ADAM9: variants seen among roughly 807,000 people sequenced by gnomAD.
ADAM9 encodes ADAM metallopeptidase domain 9, also known as disintegrin and metalloproteinase domain-containing protein 9.
A neutral mutation model predicts 108.1 loss-of-function variants in ADAM9; 54 were observed. The ratio of observed to expected loss-of-function variants is 0.50; its 90% CI spans 0.40 to 0.63. ADAM9 has a LOEUF of 0.63. Ranked by LOEUF, ADAM9 falls within the 20% of genes least tolerant of loss-of-function variation. ADAM9 has a pLI of 0.00. For missense variants in ADAM9, 830 were observed against 997.7 expected, an observed-to-expected ratio of 0.83 and a Z score of 2.26; for synonymous variants, 316 against 336.0, an observed-to-expected ratio of 0.94 and a Z score of 0.65.
intron 7 of ADAM9, among the ~76,000 whole-genome samples, chr8:39,021,099 A>C (rs904697295): frequency 6.6e-6 from 1 of 152,202 alleles, no homozygotes; most frequent in African/African-American, 2.4e-5. Flanking sequence ...TTTGGATAAA[A>C]TGAAGTCTTC....
intron 14 of ADAM9, among the ~76,000 whole-genome samples, chr8:39,066,252 T>A (rs894793516): frequency 5.3e-5 from 8 of 152,254 alleles, no homozygotes; most frequent in Non-Finnish European, 8.8e-5. Flanking sequence ...TTTATAATCC[T>A]TTGGGTATAT....
intron 1 of ADAM9, among the ~76,000 whole-genome samples, chr8:38,997,635 G>A (rs1835863994): frequency 6.6e-6 from 1 of 152,218 alleles, no homozygotes; most frequent in Non-Finnish European, 1.5e-5. Context: ...TTTGCTGCAG[G>A]TTATAATTTG....
chr8:39,056,937 A>G (rs1047695242), intron 14 of ADAM9, among the ~76,000 whole-genome samples: 8 of 152,224 alleles, frequency 5.3e-5, no homozygotes, highest in African/African-American at 1.9e-4. Context: ...TATACCGCAT[A>G]ACAACATTTT....
chr8:39,044,690 G>A (rs1004820298), intron 12 of ADAM9, among the ~76,000 whole-genome samples: 11 of 151,966 alleles, frequency 7.2e-5, no homozygotes, highest in Non-Finnish European at 1.2e-4. Flanking sequence ...CCATGTGCGC[G>A]CATTGTTTAG....
chr8:39,026,224 A>G (rs1836916746), intron 10 of ADAM9, among the ~76,000 whole-genome samples: 1 of 152,090 alleles, frequency 6.6e-6, no homozygotes, highest in Non-Finnish European at 1.5e-5. Flanking sequence ...CGCATATGTT[A>G]GGTATTTGTC....
At chr8:39,068,623 C>T (rs188760843) in intron 14 of ADAM9, among the ~76,000 whole-genome samples, 32 of 128,528 alleles carry the variant, frequency 2.5e-4, no homozygotes, top group Non-Finnish European at 3.1e-4. Flanking sequence ...TGCATTGAGC[C>T]GAGATCATGC....
At chr8:39,019,450 TTAAC>T (rs1836661704) in intron 7 of ADAM9, among the ~76,000 whole-genome samples, 1 of 152,196 alleles carries the variant, frequency 6.6e-6, no homozygotes, top group African/African-American at 2.4e-5. Context: ...GTGCTTTGCT[TTAAC>T]TAAGAGAAGT....
At chr8:39,055,915 C>A in intron 14 of ADAM9, 143 bp downstream of exon 14, 1 of 831,670 alleles carries the variant, frequency 1.2e-6, no homozygotes, top group Non-Finnish European at 1.8e-6. Context: ...TGGAGGCAGT[C>A]ATGATCATGA....
intron 18 of ADAM9, among the ~76,000 whole-genome samples, chr8:39,084,980 A>C (rs1209792868): frequency 6.6e-6 from 1 of 152,114 alleles, no homozygotes; most frequent in Non-Finnish European, 1.5e-5. Context: ...TCTGCCCTGC[A>C]ATGAGATATT....
chr8:39,060,536 G>A (rs1438353450), intron 14 of ADAM9, among the ~76,000 whole-genome samples: 1 of 152,218 alleles, frequency 6.6e-6, no homozygotes, highest in Non-Finnish European at 1.5e-5. Flanking sequence ...GTGGCCAGAT[G>A]CAACTTCTTC....
intron 20 of ADAM9, among the ~76,000 whole-genome samples, chr8:39,097,373 C>A (rs565796851): frequency 6.6e-6 from 1 of 151,336 alleles, no homozygotes; most frequent in East Asian, 1.9e-4. Context: ...GTGGTGCCAT[C>A]TCGGCTCATT....
rs141868695 is a variant in ADAM9, at chr8:39,020,387, T to C, written c.673-1256T>C. Among the ~76,000 whole-genome samples, 169 of 152,212 alleles carry C rather than the reference T, an allele frequency of 1.1e-3. 1 individual carries two copies. Among genetic ancestry groups the C allele is most frequent in the African/African-American group, 3.8e-3 (157 of 41,578 alleles). On this transcript the variant is annotated intron_variant, in intron 7 of 21. Coordinates refer to ENST00000487273, the MANE Select transcript of ADAM9 (RefSeq NM_003816.3). ...ATCAAGCCCTATCAAATATATTAAA[T>C]TAATTTTTTTTCTTGTTTAGGAGGA...
chr8:39,050,830 GTTTTTTTT>G (rs58115667), intron 12 of ADAM9, among the ~76,000 whole-genome samples: 7 of 85,190 alleles, frequency 8.2e-5, no homozygotes, highest in Non-Finnish European at 1.1e-4. Context: ...GCTTGGAAGT[GTTTTTTTT>G]TTTTTTTTTT....
rs545121076 is a variant in ADAM9 at position 39,082,480 on chromosome 8, A to G, written c.1882-161A>G. On this transcript the variant is annotated intron_variant, in intron 16 of 21. Coordinates refer to ENST00000487273, the MANE Select transcript of ADAM9 (RefSeq NM_003816.3). ...TTGTATCAATTAATTAATGCCACTT[A>G]TTTTTCTGCATTTTTAAAAATATAA... Among the ~76,000 whole-genome samples the G allele has an allele frequency of 4.6e-5, 7 of 151,998 alleles. No homozygotes were observed. In the South Asian group the frequency reaches 8.3e-4, roughly 18 times the overall value.
At chr8:39,057,175 C>T (rs922908474) in intron 14 of ADAM9, among the ~76,000 whole-genome samples, 1 of 151,964 alleles carries the variant, frequency 6.6e-6, no homozygotes, top group African/African-American at 2.4e-5. Flanking sequence ...GTGTAGTAGG[C>T]TATACCACCT....
rs1837602518 is a variant in ADAM9 at position 39,045,061 on chromosome 8, CATACATACATATGTGTGT to C, written c.1302+2945_1302+2962del. Among the ~76,000 whole-genome samples, 2 of 18,122 alleles carry C rather than the reference CATACATACATATGTGTGT, an allele frequency of 1.1e-4. 1 individual carries two copies. Among genetic ancestry groups the C allele is most frequent in the Non-Finnish European group, 1.9e-4 (2 of 10,634 alleles). The allele number at this position is 18,122 out of a possible 152,430, so 11.9% of individuals were successfully genotyped here. ...ACATATGTATGTGTATGTGTGTGTG[CATACATACATATGTGTGT>C]GTGCATACATACATATGTGTGTGTG... On this transcript the variant is annotated intron_variant, in intron 12 of 21. Coordinates refer to ENST00000487273, the MANE Select transcript of ADAM9 (RefSeq NM_003816.3).
intron 11 of ADAM9, among the ~76,000 whole-genome samples, chr8:39,034,657 G>A (rs993312334): frequency 1.3e-5 from 2 of 152,066 alleles, no homozygotes; most frequent in African/African-American, 4.8e-5. Flanking sequence ...ATATAGAATC[G>A]TAGATCATCA....
chr8:39,069,029 C>T (rs1838589499), intron 14 of ADAM9, among the ~76,000 whole-genome samples: 1 of 152,152 alleles, frequency 6.6e-6, no homozygotes, highest in African/African-American at 2.4e-5. Flanking sequence ...ACCTGCCCCT[C>T]CTTATTCTCT....
chr8:39,053,021 G>A (rs1838006739), intron 12 of ADAM9, among the ~76,000 whole-genome samples: 1 of 152,020 alleles, frequency 6.6e-6, no homozygotes, highest in African/African-American at 2.4e-5. Context: ...TTTAATTTTA[G>A]CCATTCTATT....
Sources: gnomAD v4.1 joint callset for allele counts (sites outside exome capture counted in the v4.1 genomes callset) on GRCh38, gnomAD v4.1.1 for gene constraint, MANE v1.5 for transcripts, NCBI Gene and HGNC (gene_info 2026-07-23, HGNC 2026-07-21) for gene names.